The following SPOPL variants were observed in gnomAD, a reference collection of about 807,000 sequenced individuals.
SPOPL encodes the protein speckle-type POZ protein-like.
In SPOPL, 23 loss-of-function variants were observed where a neutral mutation model predicts 53.8. The ratio of observed to expected loss-of-function variants is 0.43; its 90% CI spans 0.31 to 0.61. The LOEUF (loss-of-function observed/expected upper bound fraction) is 0.61, where lower values mean the gene tolerates loss of function less well. SPOPL is among the 20% of genes least tolerant of loss of function. SPOPL has a pLI of 0.12. For missense variants in SPOPL, 442 were observed against 466.9 expected, an observed-to-expected ratio of 0.95 and a Z score of 0.49; for synonymous variants, 164 against 149.7, an observed-to-expected ratio of 1.10 and a Z score of -0.70.
chr2:138,512,640 C>T (rs953004530), intron 1 of SPOPL, among the ~76,000 whole-genome samples: 4 of 152,038 alleles, frequency 2.6e-5, no homozygotes, highest in East Asian at 1.9e-4. Context: ...ATAATATTTT[C>T]GTATACCCTG....
intron 1 of SPOPL, among the ~76,000 whole-genome samples, chr2:138,509,085 T>A (rs1428306202): frequency 2.0e-5 from 3 of 152,174 alleles, no homozygotes; most frequent in African/African-American, 7.2e-5. Context: ...AAATGATTTT[T>A]TTATTCTCAA....
chr2:138,538,516 C>T (rs969158914), intron 1 of SPOPL, among the ~76,000 whole-genome samples: 1 of 152,146 alleles, frequency 6.6e-6, no homozygotes, highest in Non-Finnish European at 1.5e-5. Flanking sequence ...AGCATAGCCA[C>T]CCAGCTCTCT....
intron 1 of SPOPL, among the ~76,000 whole-genome samples, chr2:138,541,043 G>A (rs550972077): frequency 3.3e-4 from 50 of 152,042 alleles, no homozygotes; most frequent in Admixed American, 7.2e-4. Flanking sequence ...GCTGGATTAC[G>A]TTTATTGATT....
intron 1 of SPOPL, among the ~76,000 whole-genome samples, chr2:138,539,679 A>G (rs890022762): frequency 1.3e-5 from 2 of 151,964 alleles, no homozygotes; most frequent in African/African-American, 4.8e-5. Flanking sequence ...GATTGCAAAC[A>G]TTTTCTCCCA....
rs35257103 is a variant in SPOPL, at chr2:138,550,557, G to A, written c.153G>A (p.Val51=). ...TTTGTCGAGAGGAAATGGGTGAAGT[G>A]TTAAAAAGTTCAACATTTTCATCTG... ...FSFCREEMGE[V]LKSSTFSSGP... is the part of the protein sequence containing the mutation. The change falls in exon 3 of 11, where the codon GTG becomes GTA. Residue 51 remains valine, a synonymous_variant. Coordinates refer to ENST00000280098, the MANE Select transcript of SPOPL (RefSeq NM_001001664.3). The A allele has an allele frequency of 0.057, 91,725 of 1,610,430 alleles. 3,150 individuals are homozygous for A. The highest frequency in any genetic ancestry group is 0.07 in the Non-Finnish European group (82,217 of 1,177,222).
chr2:138,505,523 G>A (rs1477531243), intron 1 of SPOPL, among the ~76,000 whole-genome samples: 4 of 149,330 alleles, frequency 2.7e-5, no homozygotes, highest in African/African-American at 7.5e-5. Context: ...TTGGGAGGTC[G>A]AGGTGGGCTT....
At chr2:138,535,736 GTCTT>G (rs1279087416) in intron 1 of SPOPL, among the ~76,000 whole-genome samples, 1 of 151,706 alleles carries the variant, frequency 6.6e-6, no homozygotes, top group African/African-American at 2.4e-5. Context: ...TGCTGCTTCT[GTCTT>G]TCTTCTCCTT....
intron 10 of SPOPL, 24 bp from the exon 11 acceptor site, chr2:138,568,912 A>T (rs1685721309): frequency 6.2e-7 from 1 of 1,612,344 alleles, no homozygotes; most frequent in Non-Finnish European, 8.5e-7. Flanking sequence ...TCTTTAGTAA[A>T]TATCTTTTAA....
chr2:138,543,129 T>C (rs1020454255), intron 1 of SPOPL, among the ~76,000 whole-genome samples: 3 of 152,224 alleles, frequency 2.0e-5, no homozygotes, highest in African/African-American at 4.8e-5. Flanking sequence ...GGGCTTCCCT[T>C]TGTGGGTAAC....
At chr2:138,526,085 GCAT>G (rs1263278767) in intron 1 of SPOPL, among the ~76,000 whole-genome samples, 3 of 151,904 alleles carry the variant, frequency 2.0e-5, no homozygotes, top group African/African-American at 4.8e-5. Flanking sequence ...TGTTAATTTT[GCAT>G]CATCAAGGTA....
intron 1 of SPOPL, among the ~76,000 whole-genome samples, chr2:138,533,579 A>C (rs62161733): frequency 1.6e-3 from 251 of 152,186 alleles, no homozygotes; most frequent in South Asian, 7.0e-3. Context: ...GAATAGATTT[A>C]AGAAATTTAT....
intron 1 of SPOPL, among the ~76,000 whole-genome samples, chr2:138,505,052 C>T (rs1316613714): frequency 6.6e-6 from 1 of 152,004 alleles, no homozygotes; most frequent in Non-Finnish European, 1.5e-5. Context: ...TACTCTTTTG[C>T]CTCTCACACC....
intron 1 of SPOPL, among the ~76,000 whole-genome samples, chr2:138,516,104 T>A (rs916206935): frequency 6.6e-6 from 1 of 152,218 alleles, no homozygotes; most frequent in African/African-American, 2.4e-5. Flanking sequence ...ATGAAGCTGC[T>A]ATTCTGCTTT....
intron 7 of SPOPL, among the ~76,000 whole-genome samples, chr2:138,559,789 C>G (rs1262291188): frequency 6.6e-6 from 1 of 152,180 alleles, no homozygotes; most frequent in African/African-American, 2.4e-5. Context: ...CCAGATGTTT[C>G]TCTTTTACTT....
In SPOPL at chr2:138,559,393, G is replaced by A. The variant is rs1685497427; in HGVS notation, c.714+56G>A. On this transcript the variant is annotated intron_variant, in intron 7 of 10. Transcript: ENST00000280098. ...TTATATAAACGTAAAGTAGTTGGGT[G>A]TATGTTTTAAAAGTAATAGTACAAT... The A allele has an allele frequency of 5.3e-6, 8 of 1,506,920 alleles. No individual in the cohort carries two copies. In the Admixed American group the frequency reaches 6.6e-5, roughly 12 times the overall value. The allele number at this position is 1,506,920 out of a possible 1,614,324, so 93.3% of individuals were successfully genotyped here.
rs1038992139 is a variant in SPOPL at position 138,569,207 on chromosome 2, G to T, written c.*127G>T. 9 of 1,050,844 alleles carry T rather than the reference G, an allele frequency of 8.6e-6. No individual in the cohort carries two copies. The highest frequency in any genetic ancestry group is 1.6e-5 in the African/African-American group (1 of 62,020). 65.1% of individuals were successfully genotyped at this position (1,050,844 alleles called of 1,614,324 possible). On this transcript the variant is annotated 3_prime_UTR_variant, in exon 11 of 11. Transcript: ENST00000280098. ...TGTCCACAGAACAGAAGCTGAAAAA[G>T]CATATTGCTTGCATTTCAGGTGGAT... is the stretch of plus-strand genomic sequence containing the variant.
intron 1 of SPOPL, among the ~76,000 whole-genome samples, chr2:138,509,017 A>G (rs2104854397): frequency 6.6e-6 from 1 of 152,282 alleles, no homozygotes; most frequent in Admixed American, 6.5e-5. Flanking sequence ...TTAGCATTAT[A>G]TTCTGAATTG....
At chr2:138,551,185 AC>A in intron 4 of SPOPL, 131 bp downstream of exon 4, 2 of 976,150 alleles carry the variant, frequency 2.0e-6, no homozygotes, top group Non-Finnish European at 3.0e-6. Context: ...TTTTAATTTG[AC>A]CATTATTTAA....
chr2:138,557,294 T>G (rs934871986), intron 5 of SPOPL, among the ~76,000 whole-genome samples: 1 of 152,204 alleles, frequency 6.6e-6, no homozygotes, highest in Admixed American at 6.5e-5. Flanking sequence ...GTGAATAGAT[T>G]AGATGATTTC....
Sources: allele counts gnomAD v4.1 joint callset (sites outside exome capture counted in the v4.1 genomes callset), GRCh38; gene constraint gnomAD v4.1.1; transcripts MANE v1.5; gene names NCBI Gene and HGNC (gene_info 2026-07-23, HGNC 2026-07-21).